The following CTNNA3 variants were observed in gnomAD, a reference collection of about 807,000 sequenced individuals.
The protein encoded by CTNNA3 is catenin alpha-3.
In CTNNA3, 76 loss-of-function variants were observed where a neutral mutation model predicts 95.7. That is an observed-to-expected ratio of 0.79 (90% CI 0.66 to 0.96). CTNNA3 has a LOEUF of 0.96. Ranked by LOEUF, CTNNA3 falls within the 40% of genes least tolerant of loss-of-function variation. The probability of loss-of-function intolerance (pLI) is 0.00; values close to 1 mark genes in which losing one functional copy is unlikely to be tolerated. For missense variants in CTNNA3, 1,191 were observed against 1,089.8 expected (o/e 1.09, Z -1.31); for synonymous variants, 431 against 374.4 (o/e 1.15, Z -1.74).
At chr10:66,978,552 A>AAAAAAAATATATATATATAT in intron 7 of CTNNA3, among the ~76,000 whole-genome samples, 3 of 37,864 alleles carry the variant, frequency 7.9e-5, no homozygotes, top group South Asian at 1.2e-3. Flanking sequence ...AAAAAAAAAA[A>AAAAAAAATATATATATATAT]ATATATATAT....
At chr10:66,601,661 A>G (rs1843927613) in intron 10 of CTNNA3, among the ~76,000 whole-genome samples, 1 of 151,910 alleles carries the variant, frequency 6.6e-6, no homozygotes, top group Non-Finnish European at 1.5e-5. Flanking sequence ...TCCTTGGGTA[A>G]TCCAAAATGA....
At chr10:66,237,105 G>T (rs1471394735) in intron 13 of CTNNA3, among the ~76,000 whole-genome samples, 1 of 152,048 alleles carries the variant, frequency 6.6e-6, no homozygotes, top group Non-Finnish European at 1.5e-5. Context: ...AACAGAGCAA[G>T]GTCATGTCTG....
intron 9 of CTNNA3, among the ~76,000 whole-genome samples, chr10:66,659,174 T>C (rs1363143919): frequency 6.8e-5 from 9 of 132,788 alleles, no homozygotes; most frequent in Admixed American, 1.5e-4. Context: ...CAAAAAATAA[T>C]TAAGAAAACA....
At chr10:67,014,136 C>G (rs1253882450) in intron 7 of CTNNA3, among the ~76,000 whole-genome samples, 1 of 152,192 alleles carries the variant, frequency 6.6e-6, no homozygotes, top group Non-Finnish European at 1.5e-5. Flanking sequence ...CTATTGTGCA[C>G]TAATCATTTC....
At chr10:66,092,307 C>A (rs1016818289) in intron 14 of CTNNA3, among the ~76,000 whole-genome samples, 9 of 151,960 alleles carry the variant, frequency 5.9e-5, no homozygotes, top group African/African-American at 1.4e-4. Context: ...CTATTTTCAA[C>A]ACAGCATTCA....
At chr10:66,338,745 A>C (rs562199036) in intron 12 of CTNNA3, among the ~76,000 whole-genome samples, 1 of 151,946 alleles carries the variant, frequency 6.6e-6, no homozygotes, top group East Asian at 1.9e-4. Flanking sequence ...GGAACTGAGC[A>C]GATTAGAACA....
intron 13 of CTNNA3, among the ~76,000 whole-genome samples, chr10:66,171,490 G>A (rs2085427255): frequency 6.6e-6 from 1 of 150,962 alleles, no homozygotes; most frequent in Non-Finnish European, 1.5e-5. Context: ...AAGTTGCAGT[G>A]AGCAGAGATC....
intron 5 of CTNNA3, among the ~76,000 whole-genome samples, chr10:67,242,685 G>T (rs1589076524): frequency 6.6e-6 from 1 of 152,178 alleles, no homozygotes; most frequent in East Asian, 1.9e-4. Context: ...CAATATATGT[G>T]CCTGACCTTG....
intron 1 of CTNNA3, chr10:67,665,639 A>G (rs974223123): frequency 2.6e-5 from 4 of 152,190 alleles, no homozygotes; most frequent in Admixed American, 1.3e-4. Flanking sequence ...ATGGCTCACA[A>G]TTTGGCTTAT....
At chr10:67,416,554 G>A (rs1845550097) in intron 5 of CTNNA3, among the ~76,000 whole-genome samples, 1 of 143,386 alleles carries the variant, frequency 7.0e-6, no homozygotes, top group Admixed American at 7.3e-5. Flanking sequence ...CTTGCAGTGA[G>A]CCGAGATCGC....
rs372269197 is a variant in CTNNA3, at chr10:67,352,903, A to G, written c.580-133033T>C. Among the ~76,000 whole-genome samples the G allele has an allele frequency of 1.1e-4, 16 of 152,002 alleles. No individual in the cohort carries two copies. The East Asian group carries it at 1.4e-3, about 13-fold the overall frequency. ...TTTTTTCCTTCATCCTTTTTATTCT[A>G]TCCATCACAGATATTAATTCCAGGT... On this transcript the variant is annotated intron_variant, in intron 5 of 17. Coordinates refer to ENST00000433211, the MANE Select transcript of CTNNA3 (RefSeq NM_013266.4).
chr10:66,636,546 A>C (rs934561368), intron 9 of CTNNA3, among the ~76,000 whole-genome samples: 1 of 152,176 alleles, frequency 6.6e-6, no homozygotes, highest in Admixed American at 6.5e-5. Context: ...GCACAAGGTT[A>C]AATTGTGAAA....
At chr10:66,972,699 G>T (rs868254782) in intron 7 of CTNNA3, among the ~76,000 whole-genome samples, 3 of 111,828 alleles carry the variant, frequency 2.7e-5, no homozygotes, top group Middle Eastern at 5.0e-3. Context: ...CTGTCAAATA[G>T]ATTTTTTTTT....
intron 10 of CTNNA3, among the ~76,000 whole-genome samples, chr10:66,588,374 A>G (rs904230071): frequency 1.3e-5 from 2 of 152,196 alleles, no homozygotes; most frequent in African/African-American, 4.8e-5. Flanking sequence ...CTTCTTAGAA[A>G]GAAGTGCACA....
At chr10:67,686,134 G>A (rs1317957701) in intron 1 of CTNNA3, among the ~76,000 whole-genome samples, 3 of 152,186 alleles carry the variant, frequency 2.0e-5, no homozygotes, top group African/African-American at 7.2e-5. Context: ...TTTCCATATT[G>A]CAGCATGGGC....
intron 14 of CTNNA3, among the ~76,000 whole-genome samples, chr10:66,095,542 T>C (rs1357602850): frequency 1.3e-5 from 2 of 152,140 alleles, no homozygotes; most frequent in Non-Finnish European, 2.9e-5. Flanking sequence ...TATATACTGA[T>C]AATAATTATG....
intron 2 of CTNNA3, among the ~76,000 whole-genome samples, chr10:67,643,129 T>C (rs898234071): frequency 2.6e-5 from 4 of 152,218 alleles, no homozygotes; most frequent in African/African-American, 9.6e-5. Flanking sequence ...TACCATGGAA[T>C]ACTATGCAGT....
chr10:67,629,749 G>C (rs758620219), intron 2 of CTNNA3, among the ~76,000 whole-genome samples: 35 of 152,274 alleles, frequency 2.3e-4, no homozygotes, highest in Middle Eastern at 3.4e-3. Context: ...TCTGAGAATA[G>C]AATGTAGTTT....
At chr10:66,489,393 G>A (rs1839842082) in intron 11 of CTNNA3, among the ~76,000 whole-genome samples, 2 of 152,074 alleles carry the variant, frequency 1.3e-5, no homozygotes, top group South Asian at 4.2e-4. Flanking sequence ...GTGTTTTTGG[G>A]TTGTAACTCA....
Sources: gnomAD v4.1 joint callset for allele counts (sites outside exome capture counted in the v4.1 genomes callset) on GRCh38, gnomAD v4.1.1 for gene constraint, MANE v1.5 for transcripts, NCBI Gene and HGNC (gene_info 2026-07-23, HGNC 2026-07-21) for gene names.